The following ADGRL3 variants were observed in gnomAD, a reference collection of about 807,000 sequenced individuals.
ADGRL3 encodes the protein adhesion G protein-coupled receptor L3.
In ADGRL3, 62 loss-of-function variants were observed where a neutral mutation model predicts 153.5. The observed-to-expected ratio is 0.40, with a 90% confidence interval of 0.33 to 0.50. The LOEUF (loss-of-function observed/expected upper bound fraction) is 0.50. ADGRL3 is among the 20% of genes least tolerant of loss of function. The pLI is 0.47. For missense variants in ADGRL3, 1,641 were observed against 1,859.4 expected (o/e 0.88, Z 2.16); for synonymous variants, 710 against 672.5 (o/e 1.06, Z -0.86).
chr4:62,019,069 G>T (rs944290008), intron 21 of ADGRL3, among the ~76,000 whole-genome samples: 26 of 152,168 alleles, frequency 1.7e-4, no homozygotes, highest in African/African-American at 6.3e-4. Context: ...AATCAAAATG[G>T]TTCTATGATT....
Position 62,071,194 on chromosome 4 carries a change from T to A in ADGRL3, c.*286T>A. On this transcript the variant is annotated 3_prime_UTR_variant, in exon 27 of 27. Coordinates refer to ENST00000683033, the MANE Select transcript of ADGRL3 (RefSeq NM_001387552.1). The stretch of plus-strand genomic sequence containing the variant: ...CAAGATATGAAGAAAATGGCACTCA[T>A]TGTGGCCTTGTTGAATTATGTTGTG... The A allele has an allele frequency of 3.4e-6, 1 of 295,074 alleles. No individual in the cohort carries two copies. The highest frequency in any genetic ancestry group is 6.3e-6 in the Non-Finnish European group (1 of 157,842). 18.3% of individuals were successfully genotyped at this position (295,074 alleles called of 1,614,324 possible).
chr4:61,728,255 C>G (rs1004199359), intron 6 of ADGRL3, among the ~76,000 whole-genome samples: 3 of 152,004 alleles, frequency 2.0e-5, no homozygotes, highest in Non-Finnish European at 4.4e-5. Flanking sequence ...GCACAACAGC[C>G]TAATAAATCT....
intron 2 of ADGRL3, among the ~76,000 whole-genome samples, chr4:61,407,742 A>G (rs1255548553): frequency 6.6e-6 from 1 of 152,170 alleles, no homozygotes; most frequent in Non-Finnish European, 1.5e-5. Flanking sequence ...ATACTTTACC[A>G]TTAATTTTAC....
At chr4:61,426,428 G>A (rs1199959510) in intron 2 of ADGRL3, among the ~76,000 whole-genome samples, 2 of 138,116 alleles carry the variant, frequency 1.4e-5, no homozygotes, top group African/African-American at 5.4e-5. Context: ...CCATCCATAT[G>A]CCATGCCCCA....
chr4:61,768,229 C>T (rs2097026957), intron 8 of ADGRL3, among the ~76,000 whole-genome samples: 1 of 152,056 alleles, frequency 6.6e-6, no homozygotes, highest in Non-Finnish European at 1.5e-5. Context: ...GGGCTAGTCA[C>T]AGAAGGAAAC....
intron 15 of ADGRL3, among the ~76,000 whole-genome samples, chr4:61,940,013 C>T (rs945633884): frequency 6.9e-6 from 1 of 145,372 alleles, no homozygotes; most frequent in Admixed American, 6.9e-5. Flanking sequence ...ATGTGCCATG[C>T]TGGTGCGCTG....
chr4:61,433,368 A>ATTTTTTT (rs775643745), intron 2 of ADGRL3, among the ~76,000 whole-genome samples: 30,798 of 132,544 alleles, frequency 0.23, 3,323 homozygotes, highest in Middle Eastern at 0.32. Flanking sequence ...TTTTTTTTAA[A>ATTTTTTT]AAAAAATCAG....
chr4:61,406,668 A>C (rs1280413834), intron 2 of ADGRL3, among the ~76,000 whole-genome samples: 2 of 151,982 alleles, frequency 1.3e-5, no homozygotes, highest in Non-Finnish European at 2.9e-5. Flanking sequence ...AAATCATTGG[A>C]GTTATTAAAC....
chr4:61,841,875 G>A (rs1270537597), intron 9 of ADGRL3, among the ~76,000 whole-genome samples: 1 of 152,154 alleles, frequency 6.6e-6, no homozygotes, highest in Non-Finnish European at 1.5e-5. Flanking sequence ...CTGGGGGTAG[G>A]ATGAAGGCAT....
intron 2 of ADGRL3, among the ~76,000 whole-genome samples, chr4:61,472,123 A>G (rs974132014): frequency 3.3e-5 from 5 of 152,080 alleles, no homozygotes; most frequent in African/African-American, 1.2e-4. Context: ...ACACTGATTA[A>G]TAGGAAAACA....
chr4:61,801,111 A>G (rs2097490722), intron 8 of ADGRL3, among the ~76,000 whole-genome samples: 1 of 152,158 alleles, frequency 6.6e-6, no homozygotes. Flanking sequence ...TCTGGTTTAC[A>G]CCTGTGGGTG....
At chr4:61,254,891 T>G (rs878966193) in intron 1 of ADGRL3, among the ~76,000 whole-genome samples, 1 of 152,156 alleles carries the variant, frequency 6.6e-6, no homozygotes, top group Non-Finnish European at 1.5e-5. Context: ...TGTCTTTCAG[T>G]ATCATCCCTG....
intron 1 of ADGRL3, among the ~76,000 whole-genome samples, chr4:61,370,449 G>C (rs1270606068): frequency 1.1e-4 from 16 of 151,432 alleles, no homozygotes; most frequent in South Asian, 4.2e-4. Context: ...TCGTTGGTTT[G>C]AAAGAACATC....
chr4:61,929,389 C>T (rs2098807876), intron 13 of ADGRL3, among the ~76,000 whole-genome samples: 1 of 152,042 alleles, frequency 6.6e-6, no homozygotes, highest in Non-Finnish European at 1.5e-5. Context: ...TTCTAGCAGC[C>T]CAAATGGACT....
chr4:61,385,118 G>A (rs2096721097), intron 2 of ADGRL3, among the ~76,000 whole-genome samples: 1 of 151,924 alleles, frequency 6.6e-6, no homozygotes, highest in Non-Finnish European at 1.5e-5. Context: ...ATTTAACGGG[G>A]CAACAATCCC....
intron 8 of ADGRL3, among the ~76,000 whole-genome samples, chr4:61,755,807 A>G (rs1488316460): frequency 1.3e-5 from 2 of 152,052 alleles, no homozygotes; most frequent in Non-Finnish European, 2.9e-5. Context: ...TAAGGTGTAA[A>G]GAAGGGATCC....
At chr4:61,341,800 A>G (rs1302701017) in intron 1 of ADGRL3, among the ~76,000 whole-genome samples, 1 of 152,076 alleles carries the variant, frequency 6.6e-6, no homozygotes, top group African/African-American at 2.4e-5. Context: ...TACTTTAAAC[A>G]TAGCTGCAGC....
intron 6 of ADGRL3, among the ~76,000 whole-genome samples, chr4:61,684,704 C>T (rs1233142030): frequency 6.6e-6 from 1 of 152,082 alleles, no homozygotes; most frequent in Non-Finnish European, 1.5e-5. Context: ...TTCCTTTGGG[C>T]AACAACAGGC....
intron 3 of ADGRL3, among the ~76,000 whole-genome samples, chr4:61,502,090 T>G (rs2098392365): frequency 6.6e-6 from 1 of 152,056 alleles, no homozygotes; most frequent in Non-Finnish European, 1.5e-5. Context: ...TTGTTGTTGT[T>G]CTGTTGATGT....
Sources: allele counts gnomAD v4.1 joint callset (sites outside exome capture counted in the v4.1 genomes callset), GRCh38; gene constraint gnomAD v4.1.1; transcripts MANE v1.5; gene names NCBI Gene and HGNC (gene_info 2026-07-23, HGNC 2026-07-21).